The following TMC6 variants were observed in gnomAD, a reference collection of about 807,000 sequenced individuals.
The protein encoded by TMC6 is transmembrane channel like 6.
Under a neutral mutation model 95.4 loss-of-function variants are expected in TMC6, and 71 were observed. That is an observed-to-expected ratio of 0.74 (90% CI 0.61 to 0.91). The LOEUF (loss-of-function observed/expected upper bound fraction) is 0.91. Ranked by LOEUF, TMC6 falls within the 40% of genes least tolerant of loss-of-function variation. The pLI, the probability that TMC6 is intolerant of heterozygous loss-of-function variation, is 0.00. For missense variants in TMC6, 1,074 were observed against 1,079.1 expected, an observed-to-expected ratio of 1.00 and a Z score of 0.07; for synonymous variants, 514 against 483.1, an observed-to-expected ratio of 1.06 and a Z score of -0.84.
intron 9 of TMC6, among the ~76,000 whole-genome samples, chr17:78,123,332 T>C (rs538459692): frequency 1.3e-5 from 2 of 152,352 alleles, no homozygotes; most frequent in East Asian, 1.9e-4. Context: ...AATACGTAGA[T>C]GCATGGGTGG....
Position 78,111,553 on chromosome 17 carries a change from C to T in TMC6, c.*1595G>A, listed in dbSNP as rs1489469540. On this transcript the variant is annotated 3_prime_UTR_variant, in exon 20 of 20. Transcript: ENST00000590602. ...GCACTCGCACCTGAAGATGCTGCCACAGTTGGCTGCCCAGAATCAGCACCA... is the reference window on the plus strand; with the variant it reads ...GCACTCGCACCTGAAGATGCTGCCATAGTTGGCTGCCCAGAATCAGCACCA... 2 of 152,726 alleles carry T rather than the reference C, an allele frequency of 1.3e-5. No homozygotes were observed. The highest frequency in any genetic ancestry group is 4.8e-5 in the African/African-American group (2 of 41,484). The allele number at this position is 152,726 out of a possible 1,614,324, so 9.5% of individuals were successfully genotyped here. A position where few individuals can be genotyped will look rare whatever the true frequency, so the allele number is the denominator to read the frequency against.
At position 78,121,177 on chromosome 17, in the gene TMC6, A is replaced by C; in HGVS notation, c.1384-13T>G. 1.3e-6 allele frequency: 2 copies of C among 1,574,710 alleles called. No homozygotes were observed. The highest frequency in any genetic ancestry group is 1.7e-6 in the Non-Finnish European group (2 of 1,161,062). ...CAGCCTCTGGACTCTGCAGGGGTGC[A>C]GGGAGCGGTGTCATGGAAGCCCCCC... is the stretch of plus-strand genomic sequence containing the variant. On this transcript the variant is annotated splice_polypyrimidine_tract_variant and intron_variant, in intron 11 of 19. Coordinates refer to ENST00000590602, the MANE Select transcript of TMC6 (RefSeq NM_001127198.5). The surrounding 1 kb of genome is among the most constrained non-coding windows in gnomAD (Gnocchi z 5.6).
intron 19 of TMC6, 147 bp from the exon 20 acceptor site, chr17:78,113,358 C>A: frequency 8.1e-7 from 1 of 1,240,616 alleles, no homozygotes; most frequent in South Asian, 1.4e-5. Context: ...GTCAAAATGG[C>A]CAGGCTCCGG....
At chr17:78,124,211 CT>C in intron 8 of TMC6, 32 bp from the exon 9 acceptor site, 2 of 1,609,582 alleles carry the variant, frequency 1.2e-6, no homozygotes, top group Non-Finnish European at 1.7e-6. Context: ...GAGTCAGGGA[CT>C]TTCCCCACGC....
At chr17:78,117,029 C>A (rs1038449039) in intron 18 of TMC6, among the ~76,000 whole-genome samples, 2 of 152,248 alleles carry the variant, frequency 1.3e-5, no homozygotes, top group Admixed American at 6.5e-5. Context: ...CACCCCACCC[C>A]CCAGAGCCCT....
At chr17:78,119,414 C>T (rs2074297191) in intron 13 of TMC6, 22 bp from the exon 14 acceptor site, 7 of 1,613,100 alleles carry the variant, frequency 4.3e-6, no homozygotes, top group South Asian at 2.2e-5. Context: ...GACCCCGGAT[C>T]GTTAGATGGG....
intron 9 of TMC6, among the ~76,000 whole-genome samples, chr17:78,123,397 G>A (rs1598860337): frequency 6.6e-6 from 1 of 151,802 alleles, no homozygotes; most frequent in African/African-American, 2.4e-5. Flanking sequence ...ATGGATGAAC[G>A]GATGGGTGGA....
chr17:78,129,121 C>G (rs1006203379), upstream of TMC6, among the ~76,000 whole-genome samples: 1 of 115,444 alleles, frequency 8.7e-6, no homozygotes, highest in African/African-American at 3.2e-5. This position sits in a 1 kb window ranked among gnomAD's most constrained non-coding sequence, Gnocchi z 4.3. Context: ...GCAGCGCCCC[C>G]CCCCCCGCCG....
rs1295744814 is a variant in TMC6, at chr17:78,120,095, C to T, written c.1715+558G>A. 3 of 342,124 alleles carry T rather than the reference C, an allele frequency of 8.8e-6. No individual in the cohort carries two copies. The East Asian group carries it at 2.7e-4, about 31-fold the overall frequency. The allele number at this position is 342,124 out of a possible 1,614,324, so 21.2% of individuals were successfully genotyped here. ...TTTAAATGTTCCTCCGCTGTCTGTT[C>T]CCTGCTGTGTGTTTTTCCTTTGTAT... On this transcript the variant is annotated intron_variant, in intron 13 of 19. Transcript: ENST00000590602.
intron 1 of TMC6, 127 bp from the exon 2 acceptor site, chr17:78,127,033 C>T (rs2074755600): frequency 3.0e-6 from 2 of 658,676 alleles, no homozygotes; most frequent in Non-Finnish European, 5.4e-6. Context: ...ACCCCCCTAT[C>T]ACCCCAGGTA....
At chr17:78,123,486 A>AATGGGTGG (rs376998549) in intron 9 of TMC6, among the ~76,000 whole-genome samples, 1 of 142,596 alleles carries the variant, frequency 7.0e-6, no homozygotes, top group Non-Finnish European at 1.5e-5. Context: ...TGGATGGATG[A>AATGGGTGG]ATGGGTGGAT....
chr17:78,125,032 A>C, intron 6 of TMC6, 47 bp from the exon 7 acceptor site: 1 of 1,547,688 alleles, frequency 6.5e-7, no homozygotes, highest in Non-Finnish European at 8.7e-7. Flanking sequence ...GAGGGGCCTG[A>C]CTCTCTCCTT....
At position 78,109,202 on chromosome 17, in the gene TMC6, G is replaced by A. The variant is rs989372440; in HGVS notation, c.*3946C>T. On this transcript the variant is annotated 3_prime_UTR_variant, in exon 20 of 20. Transcript: ENST00000590602. The stretch of plus-strand genomic sequence containing the variant: ...AGTGCCCAGCAGCTAGCAGTGTGGC[G>A]TGCCAAGAAGGCTGTTCCAATGGGG... 4.4e-5 allele frequency: 15 copies of A among 339,428 alleles called. No homozygotes were observed. The highest frequency in any genetic ancestry group is 1.7e-4 in the Admixed American group (4 of 24,016). The allele number at this position is 339,428 out of a possible 1,614,324, so 21.0% of individuals were successfully genotyped here. A position where few individuals can be genotyped will look rare whatever the true frequency, so the allele number is the denominator to read the frequency against.
In TMC6 at chr17:78,108,547, G is replaced by A. The variant is rs950778944; in HGVS notation, c.*4601C>T. ...AGGTCAGCGCCCAAGGGTGTGCAAAGGATGTGGCAGGCTTCATGGAGGAGG... is the reference window on the plus strand; with the variant it reads ...AGGTCAGCGCCCAAGGGTGTGCAAAAGATGTGGCAGGCTTCATGGAGGAGG... On this transcript the variant is annotated 3_prime_UTR_variant, in exon 20 of 20. Coordinates refer to ENST00000590602, the MANE Select transcript of TMC6 (RefSeq NM_001127198.5). 1 of 154,988 alleles carries A rather than the reference G, an allele frequency of 6.5e-6. No individual in the cohort carries two copies. Among genetic ancestry groups the A allele is most frequent in the Admixed American group, 6.5e-5 (1 of 15,292 alleles). 9.6% of individuals were successfully genotyped at this position (154,988 alleles called of 1,614,324 possible).
At chr17:78,124,347 C>G in intron 8 of TMC6, 168 bp from the exon 9 acceptor site, 1 of 1,339,902 alleles carries the variant, frequency 7.5e-7, no homozygotes, top group Non-Finnish European at 1.0e-6. Flanking sequence ...CATGGGAACC[C>G]CAGCACGATG....
In TMC6 at chr17:78,119,021, G is replaced by A. The variant is rs149053739; in HGVS notation, c.1837C>T (p.Leu613Phe). The A allele has an allele frequency of 1.2e-6, 2 of 1,602,638 alleles. No homozygotes were observed. The highest frequency in any genetic ancestry group is 4.5e-5 in the East Asian group (2 of 44,380). The change falls in exon 15 of 20, where the codon CTC (leucine) becomes TTC (phenylalanine). Residue 613 changes from leucine (L) to phenylalanine (F), a missense_variant. Transcript: ENST00000590602. The stretch of plus-strand genomic sequence containing the variant: ...AGCTTGATGATCTGCACGGCGGGGA[G>A]GAGGGGCGAGAAGAGCACCCCCAGC... ...TWLGVLFSPL[L>F]PAVQIIKLLL...
Position 78,124,652 on chromosome 17 carries a change from G to A in TMC6, c.763C>T (p.Leu255=). 1 of 1,611,760 alleles carries A rather than the reference G, an allele frequency of 6.2e-7. No individual in the cohort carries two copies. Among genetic ancestry groups the A allele is most frequent in the East Asian group, 2.2e-5 (1 of 44,842 alleles). ...AGCAGGAGGGCATTGAAAGCCAGCA[G>A]GGTCTTGAGAAAGAGGAAGTAGGAG... is the stretch of plus-strand genomic sequence containing the variant. ...VLSYFLFLKT[L]LAFNALLLLL... Residue 255 remains leucine, a synonymous_variant, in exon 8 of 20, where the codon CTG becomes TTG. Transcript: ENST00000590602.
chr17:78,113,646 G>C, intron 18 of TMC6, 22 bp from the exon 19 acceptor site: 1 of 1,612,270 alleles, frequency 6.2e-7, no homozygotes, highest in Non-Finnish European at 8.5e-7. Flanking sequence ...AGAACACAAA[G>C]GGGAGGAGAA....
chr17:78,123,474 G>C lies in TMC6; in HGVS notation c.1082+515C>G, dbSNP rs545621701. ...GGATGGATGCGTGGATGAATGAGTG[G>C]GTGGATGGATGAATGGGTGGATGGG... On this transcript the variant is annotated intron_variant, in intron 9 of 19. Transcript: ENST00000590602. 3.3e-5 allele frequency among the ~76,000 whole-genome samples: 5 copies of C among 151,992 alleles called. No homozygotes were observed. The East Asian group carries it at 9.7e-4, about 29-fold the overall frequency.
Sources: allele counts gnomAD v4.1 joint callset (sites outside exome capture counted in the v4.1 genomes callset), GRCh38; gene constraint gnomAD v4.1.1; non-coding constraint Gnocchi (gnomAD v3.1); transcripts MANE v1.5; gene names NCBI Gene and HGNC (gene_info 2026-07-23, HGNC 2026-07-21).